The following THSD7A variants were observed in gnomAD, a reference collection of about 807,000 sequenced individuals.
THSD7A encodes the protein thrombospondin type-1 domain-containing protein 7A.
Under a neutral mutation model 231.3 loss-of-function variants are expected in THSD7A, and 96 were observed. That is an observed-to-expected ratio of 0.41 (90% CI 0.35 to 0.49). The LOEUF (loss-of-function observed/expected upper bound fraction) is 0.49, where lower values mean the gene tolerates loss of function less well. Ranked by LOEUF, THSD7A falls within the 20% of genes least tolerant of loss-of-function variation. The probability of loss-of-function intolerance (pLI) is 0.05; values close to 1 mark genes in which losing one functional copy is unlikely to be tolerated. For synonymous variants in THSD7A, 940 were observed against 743.3 expected (o/e 1.26, Z -4.30); for missense variants, 2,290 against 2,070.2 (o/e 1.11, Z -2.06).
intron 1 of THSD7A, among the ~76,000 whole-genome samples, chr7:11,680,513 A>G (rs1249290425): frequency 2.0e-5 from 3 of 152,190 alleles, no homozygotes; most frequent in African/African-American, 7.2e-5. Context: ...AAGAAAAAAC[A>G]AACAACCCCA....
intron 5 of THSD7A, among the ~76,000 whole-genome samples, chr7:11,542,725 C>A (rs1454412639): frequency 1.3e-5 from 2 of 152,234 alleles, no homozygotes; most frequent in Admixed American, 1.3e-4. Flanking sequence ...TTGCACTAAA[C>A]TGTCTCAGAT....
chr7:11,442,007 T>TA (rs1301239054), intron 13 of THSD7A, among the ~76,000 whole-genome samples: 1 of 152,026 alleles, frequency 6.6e-6, no homozygotes, highest in Non-Finnish European at 1.5e-5. Flanking sequence ...AAAAAACTGC[T>TA]AAAAAATTGT....
At chr7:11,487,838 G>T (rs1258731555) in intron 6 of THSD7A, among the ~76,000 whole-genome samples, 1 of 152,112 alleles carries the variant, frequency 6.6e-6, no homozygotes, top group Non-Finnish European at 1.5e-5. Context: ...GACACGTGGG[G>T]ATTATTACAA....
At chr7:11,591,456 T>A (rs553485324) in intron 3 of THSD7A, among the ~76,000 whole-genome samples, 2 of 152,220 alleles carry the variant, frequency 1.3e-5, no homozygotes, top group South Asian at 4.2e-4. Context: ...TGTAGCACTT[T>A]GTGTCACTTT....
chr7:11,745,601 C>A (rs933744284), intron 1 of THSD7A, among the ~76,000 whole-genome samples: 1 of 151,932 alleles, frequency 6.6e-6, no homozygotes, highest in African/African-American at 2.4e-5. Context: ...GTCTTTAATC[C>A]ATCTTGAATT....
intron 16 of THSD7A, among the ~76,000 whole-genome samples, chr7:11,422,492 C>A (rs1784178696): frequency 6.7e-6 from 1 of 150,200 alleles, no homozygotes; most frequent in South Asian, 2.1e-4. Context: ...ATACTGACCT[C>A]TCTTCTCTAT....
intron 2 of THSD7A, among the ~76,000 whole-genome samples, chr7:11,596,073 A>G (rs372275388): frequency 1.3e-5 from 2 of 152,372 alleles, no homozygotes. Flanking sequence ...TGGCCCCTCA[A>G]TCAATTTCCA....
intron 1 of THSD7A, among the ~76,000 whole-genome samples, chr7:11,681,414 A>G (rs1354485148): frequency 1.3e-5 from 2 of 151,976 alleles, no homozygotes; most frequent in East Asian, 3.9e-4. Flanking sequence ...AAAGAACCAA[A>G]CAGAACTTAC....
At chr7:11,797,036 C>A (rs535909983) in intron 1 of THSD7A, among the ~76,000 whole-genome samples, 4 of 152,150 alleles carry the variant, frequency 2.6e-5, no homozygotes, top group Admixed American at 6.5e-5. Flanking sequence ...TAATAGATAA[C>A]ATTATTTGGG....
At position 11,743,994 on chromosome 7, in the gene THSD7A, A is replaced by G. The variant is rs986158857; in HGVS notation, c.190+87763T>C. Among the ~76,000 whole-genome samples, 3 of 151,912 alleles carry G rather than the reference A, an allele frequency of 2.0e-5. No individual in the cohort carries two copies. In the East Asian group the frequency reaches 5.8e-4, roughly 29 times the overall value. On this transcript the variant is annotated intron_variant, in intron 1 of 27. Transcript: ENST00000423059. The stretch of plus-strand genomic sequence containing the variant: ...TTCAAATATAGACCAGTGGTTAGAC[A>G]CTTAATACAGACTAGACTGACAGTC...
At chr7:11,806,751 G>C (rs1784408357) in intron 1 of THSD7A, among the ~76,000 whole-genome samples, 1 of 152,078 alleles carries the variant, frequency 6.6e-6, no homozygotes, top group South Asian at 2.1e-4. Context: ...ATGGACACTG[G>C]GTAGTGAGCC....
intron 2 of THSD7A, among the ~76,000 whole-genome samples, chr7:11,630,561 G>A (rs1000499634): frequency 6.6e-6 from 1 of 152,052 alleles, no homozygotes; most frequent in African/African-American, 2.4e-5. Flanking sequence ...TCTAGAAGCT[G>A]GATAGTTCTA....
intron 1 of THSD7A, among the ~76,000 whole-genome samples, chr7:11,763,715 T>C (rs1030508802): frequency 5.9e-5 from 9 of 152,178 alleles, no homozygotes; most frequent in Non-Finnish European, 1.0e-4. Context: ...TTAATGATTA[T>C]AGCAATATTT....
intron 1 of THSD7A, among the ~76,000 whole-genome samples, chr7:11,687,730 T>C (rs917063883): frequency 1.3e-5 from 2 of 151,880 alleles, no homozygotes; most frequent in Admixed American, 6.6e-5. Context: ...TCATATCCTA[T>C]AGTTGGTCAT....
intron 13 of THSD7A, among the ~76,000 whole-genome samples, chr7:11,441,144 T>TGAATAAAATAG (rs1784791083): frequency 6.6e-6 from 1 of 152,078 alleles, no homozygotes; most frequent in African/African-American, 2.4e-5. Flanking sequence ...CCTACTACTG[T>TGAATAAAATAG]TCTAGGTACT....
chr7:11,557,940 G>A (rs1446328732), intron 4 of THSD7A, among the ~76,000 whole-genome samples: 1 of 152,072 alleles, frequency 6.6e-6, no homozygotes, highest in Non-Finnish European at 1.5e-5. Context: ...TATGGGTGAG[G>A]GTATGGCCAT....
At chr7:11,410,184 G>T (rs547043304) in intron 19 of THSD7A, among the ~76,000 whole-genome samples, 1 of 152,144 alleles carries the variant, frequency 6.6e-6, no homozygotes, top group African/African-American at 2.4e-5. Flanking sequence ...ATTGCAGGAG[G>T]CATTTATTAA....
intron 6 of THSD7A, among the ~76,000 whole-genome samples, chr7:11,525,934 T>C (rs1788457107): frequency 6.6e-6 from 1 of 152,176 alleles, no homozygotes; most frequent in Admixed American, 6.6e-5. Flanking sequence ...AAAACAGATT[T>C]CACTGCAAGA....
chr7:11,734,449 C>T (rs1352713092), intron 1 of THSD7A, among the ~76,000 whole-genome samples: 3 of 152,018 alleles, frequency 2.0e-5, no homozygotes, highest in Non-Finnish European at 4.4e-5. Context: ...AAATAAGAAC[C>T]AATGTCTCAC....
Sources: gnomAD v4.1 joint callset for allele counts (sites outside exome capture counted in the v4.1 genomes callset) on GRCh38, gnomAD v4.1.1 for gene constraint, MANE v1.5 for transcripts, NCBI Gene and HGNC (gene_info 2026-07-23, HGNC 2026-07-21) for gene names.